The following TMPRSS15 variants were observed in gnomAD, a reference collection of about 807,000 sequenced individuals.
TMPRSS15 encodes the protein enteropeptidase.
Under a neutral mutation model 125.3 loss-of-function variants are expected in TMPRSS15, and 128 were observed. The ratio of observed to expected loss-of-function variants is 1.02; its 90% CI spans 0.89 to 1.18. The LOEUF is 1.18. TMPRSS15 is among the 50% of genes most tolerant of loss of function. The pLI, the probability that TMPRSS15 is intolerant of heterozygous loss-of-function variation, is 0.00. For missense variants in TMPRSS15, 1,283 were observed against 1,212.7 expected (o/e 1.06, Z -0.86); for synonymous variants, 446 against 423.2 (o/e 1.05, Z -0.66).
At chr21:18,291,567 C>A (rs1228382237) in intron 21 of TMPRSS15, among the ~76,000 whole-genome samples, 1 of 152,190 alleles carries the variant, frequency 6.6e-6, no homozygotes, top group Non-Finnish European at 1.5e-5. Flanking sequence ...CTTGCTTGAT[C>A]TGAGTTATTC....
intron 3 of TMPRSS15, among the ~76,000 whole-genome samples, chr21:18,395,948 T>C (rs2076030541): frequency 6.6e-6 from 1 of 152,202 alleles, no homozygotes; most frequent in African/African-American, 2.4e-5. Flanking sequence ...TTGTACATTG[T>C]GCTTTCATTT....
chr21:18,412,765 T>C (rs555161885), intron 1 of TMPRSS15, among the ~76,000 whole-genome samples: 1 of 152,222 alleles, frequency 6.6e-6, no homozygotes, highest in South Asian at 2.1e-4. Flanking sequence ...TCCATTAACA[T>C]TAAAAATAAA....
At chr21:18,323,369 C>T (rs1484324447) in intron 16 of TMPRSS15, among the ~76,000 whole-genome samples, 1 of 152,160 alleles carries the variant, frequency 6.6e-6, no homozygotes, top group Non-Finnish European at 1.5e-5. Context: ...GCACATCTTA[C>T]ATGGCAGCAG....
chr21:18,326,281 AAAGGAGGAAAAATC>A, intron 16 of TMPRSS15, 137 bp downstream of exon 16: 1 of 1,198,616 alleles, frequency 8.3e-7, no homozygotes, highest in Admixed American at 1.8e-5. Flanking sequence ...CTACAGATGT[AAAGGAGGAAAAATC>A]ATCTTCATTA....
chr21:18,464,035 A>G (rs1313113008), intron 1 of TMPRSS15, among the ~76,000 whole-genome samples: 3 of 151,766 alleles, frequency 2.0e-5, no homozygotes, highest in Non-Finnish European at 4.4e-5. Context: ...TTAGCTGGGC[A>G]TGTGGTGGGC....
chr21:18,380,467 A>T (rs2075882949), intron 4 of TMPRSS15: 1 of 441,388 alleles, frequency 2.3e-6, no homozygotes, highest in South Asian at 1.7e-5. Flanking sequence ...GCAAGAAAAA[A>T]ATGTATATTT....
intron 1 of TMPRSS15, among the ~76,000 whole-genome samples, chr21:18,432,487 G>T (rs2076218045): frequency 6.6e-6 from 1 of 152,142 alleles, no homozygotes; most frequent in African/African-American, 2.4e-5. Flanking sequence ...GAAATTAAGT[G>T]GAGGACATAA....
At chr21:18,385,213 G>A (rs2075932105) in intron 3 of TMPRSS15, among the ~76,000 whole-genome samples, 1 of 152,162 alleles carries the variant, frequency 6.6e-6, no homozygotes, top group Non-Finnish European at 1.5e-5. Flanking sequence ...AGGTTCCCTA[G>A]TAACTGTTTA....
chr21:18,290,154 A>G (rs1253305846), intron 21 of TMPRSS15, among the ~76,000 whole-genome samples: 1 of 152,214 alleles, frequency 6.6e-6, no homozygotes, highest in East Asian at 1.9e-4. Flanking sequence ...ATCAAGATGT[A>G]AAAATACAGA....
intron 13 of TMPRSS15, among the ~76,000 whole-genome samples, chr21:18,334,593 T>C (rs1284985856): frequency 1.3e-5 from 2 of 152,170 alleles, no homozygotes; most frequent in Non-Finnish European, 2.9e-5. Context: ...CCATACTTAG[T>C]ACTGGTTTTC....
At chr21:18,402,259 C>T (rs963603473) in intron 1 of TMPRSS15, among the ~76,000 whole-genome samples, 1 of 151,978 alleles carries the variant, frequency 6.6e-6, no homozygotes, top group Non-Finnish European at 1.5e-5. Flanking sequence ...TGGAAAGATA[C>T]GGTGGCTCAT....
chr21:18,445,336 A>G (rs2076253104), intron 1 of TMPRSS15, among the ~76,000 whole-genome samples: 1 of 150,490 alleles, frequency 6.6e-6, no homozygotes, highest in Non-Finnish European at 1.5e-5. Flanking sequence ...ATGCACCACC[A>G]CTCCTGGCTA....
intron 22 of TMPRSS15, among the ~76,000 whole-genome samples, 186 bp from the exon 23 acceptor site, chr21:18,279,245 C>T (rs969073534): frequency 7.1e-6 from 1 of 140,974 alleles, no homozygotes; most frequent in Non-Finnish European, 1.5e-5. Flanking sequence ...CAGAGCAGCA[C>T]TTTTTGACAA....
At chr21:18,442,620 T>C (rs1370563614) in intron 1 of TMPRSS15, among the ~76,000 whole-genome samples, 1 of 152,194 alleles carries the variant, frequency 6.6e-6, no homozygotes, top group Non-Finnish European at 1.5e-5. Context: ...GAATATCACA[T>C]TTCTTATCCC....
Position 18,302,298 on chromosome 21 carries a change from G to T in TMPRSS15, c.2166-4469C>A, listed in dbSNP as rs552109501. 7.9e-5 allele frequency among the ~76,000 whole-genome samples: 12 copies of T among 152,292 alleles called. No individual in the cohort carries two copies. The South Asian group carries it at 2.5e-3, about 32-fold the overall frequency. ...CAGATTGGAGGGAAAGAAGGGGATT[G>T]ATTTAGCAGGACAGAAGGCAGGGGG... On this transcript the variant is annotated intron_variant, in intron 18 of 24. Transcript: ENST00000284885.
intron 16 of TMPRSS15, among the ~76,000 whole-genome samples, chr21:18,316,243 T>C (rs1355188095): frequency 6.6e-6 from 1 of 152,076 alleles, no homozygotes; most frequent in Admixed American, 6.5e-5. Context: ...GGCTGAGAGG[T>C]TGTCAACTCA....
chr21:18,344,409 A>G (rs530634891), intron 10 of TMPRSS15, among the ~76,000 whole-genome samples: 19 of 152,310 alleles, frequency 1.2e-4, no homozygotes, highest in Non-Finnish European at 2.1e-4. Flanking sequence ...ATTAATTCAC[A>G]TGAGGATATC....
chr21:18,298,800 C>G (rs2146908020), intron 18 of TMPRSS15, among the ~76,000 whole-genome samples: 1 of 152,230 alleles, frequency 6.6e-6, no homozygotes, highest in Admixed American at 6.5e-5. Flanking sequence ...AAAAGAAGCC[C>G]CAATGTCTTC....
At position 18,281,221 on chromosome 21, in the gene TMPRSS15, C is replaced by A. The variant is rs1018407777; in HGVS notation, c.2487G>T (p.Gly829=). ...WLVSAAHCVY[G]RNLEPSKWTA... is the part of the protein sequence containing the mutation. Reference sequence around the variant, plus strand: ...TCCACTTGGATGGCTCTAAGTTTCTCCTGAAAATTGTAATGAAGAAATATG... The same window carrying A: ...TCCACTTGGATGGCTCTAAGTTTCTACTGAAAATTGTAATGAAGAAATATG... Residue 829 remains glycine (G), a splice_region_variant and synonymous_variant, in exon 22 of 25, where the codon GGG becomes GGT. Coordinates refer to ENST00000284885, the MANE Select transcript of TMPRSS15 (RefSeq NM_002772.3). 2 of 1,613,740 alleles carry A rather than the reference C, an allele frequency of 1.2e-6. No homozygotes were observed. The highest frequency in any genetic ancestry group is 3.3e-5 in the Admixed American group (2 of 60,018).
Sources: allele counts gnomAD v4.1 joint callset (sites outside exome capture counted in the v4.1 genomes callset), GRCh38; gene constraint gnomAD v4.1.1; transcripts MANE v1.5; gene names NCBI Gene and HGNC (gene_info 2026-07-23, HGNC 2026-07-21).